The following STAC variants were observed in gnomAD, a reference collection of about 807,000 sequenced individuals.
STAC encodes SH3 and cysteine-rich domain-containing protein.
STAC carries 43 observed loss-of-function variants against 48.8 expected under a neutral mutation model. That is an observed-to-expected ratio of 0.88 (90% CI 0.69 to 1.14). The LOEUF (loss-of-function observed/expected upper bound fraction) is 1.14, where lower values mean the gene tolerates loss of function less well. Ranked by LOEUF, STAC falls within the 50% of genes most tolerant of loss-of-function variation. STAC has a pLI of 0.00. For synonymous variants in STAC, 193 were observed against 179.5 expected (o/e 1.07, Z -0.60); for missense variants, 497 against 504.0 (o/e 0.99, Z 0.13).
chr3:36,513,303 G>A (rs113695897), intron 8 of STAC, among the ~76,000 whole-genome samples: 6 of 152,272 alleles, frequency 3.9e-5, no homozygotes, highest in African/African-American at 1.4e-4. Flanking sequence ...CCACAAACCT[G>A]CCCCTTAGGA....
intron 10 of STAC, among the ~76,000 whole-genome samples, chr3:36,537,302 A>G (rs1007135247): frequency 1.3e-5 from 2 of 152,214 alleles, no homozygotes; most frequent in Admixed American, 1.3e-4. Flanking sequence ...CCAAATGCCC[A>G]TCAATGAAAG....
At chr3:36,475,255 T>C (rs1697460213) in intron 2 of STAC, among the ~76,000 whole-genome samples, 1 of 149,466 alleles carries the variant, frequency 6.7e-6, no homozygotes, top group African/African-American at 2.5e-5. Context: ...TGAAAATACA[T>C]CATGTTATTT....
intron 1 of STAC, among the ~76,000 whole-genome samples, chr3:36,422,614 C>A (rs1262843733): frequency 6.6e-6 from 1 of 152,138 alleles, no homozygotes; most frequent in African/African-American, 2.4e-5. Context: ...TAACCTACTA[C>A]AAAAAATGAT....
chr3:36,546,498 G>A lies in STAC; in HGVS notation c.*209G>A, dbSNP rs940643130. ...TATCCAGGCTGCCACAGGTGGGGAC[G>A]AGGCTGAGAGAGTCAGCAGGCAGAG... On this transcript the variant is annotated 3_prime_UTR_variant, in exon 11 of 11. Transcript: ENST00000273183. The A allele has an allele frequency of 1.6e-5, 9 of 569,462 alleles. No homozygotes were observed. Among genetic ancestry groups the A allele is most frequent in the South Asian group, 4.9e-5 (2 of 41,218 alleles). The allele number at this position is 569,462 out of a possible 1,614,324, so 35.3% of individuals were successfully genotyped here.
intron 2 of STAC, among the ~76,000 whole-genome samples, chr3:36,451,519 C>T (rs1696680135): frequency 6.6e-6 from 1 of 152,154 alleles, no homozygotes; most frequent in Non-Finnish European, 1.5e-5. Flanking sequence ...AAGATTTATA[C>T]ATCTTGTTAG....
intron 6 of STAC, among the ~76,000 whole-genome samples, chr3:36,499,577 A>G (rs1184558732): frequency 1.3e-5 from 2 of 152,130 alleles, no homozygotes; most frequent in African/African-American, 4.8e-5. Context: ...AGCATAGAAA[A>G]TTTGGGACAA....
rs188644266 is a variant in STAC at position 36,425,126 on chromosome 3, G to A, written c.112-18238G>A. ...GGATGATTTTTTAAAAAGTCTTATA[G>A]TCACATGATATTTATTATGAAGGGG... is the stretch of plus-strand genomic sequence containing the variant. On this transcript the variant is annotated intron_variant, in intron 1 of 10. Coordinates refer to ENST00000273183, the MANE Select transcript of STAC (RefSeq NM_003149.3). 2.0e-5 allele frequency among the ~76,000 whole-genome samples: 3 copies of A among 152,220 alleles called. No individual in the cohort carries two copies. The East Asian group carries it at 5.8e-4, about 29-fold the overall frequency.
chr3:36,452,270 T>C (rs1415943755), intron 2 of STAC, among the ~76,000 whole-genome samples: 1 of 152,252 alleles, frequency 6.6e-6, no homozygotes, highest in Non-Finnish European at 1.5e-5. Context: ...TACTATCTGA[T>C]TCTCTTGTAT....
Position 36,546,496 on chromosome 3 carries a change from AC to A in STAC, c.*208del. Reference sequence around the variant, plus strand: ...CATATCCAGGCTGCCACAGGTGGGGACGAGGCTGAGAGAGTCAGCAGGCAGA... The same window carrying A: ...CATATCCAGGCTGCCACAGGTGGGGAGAGGCTGAGAGAGTCAGCAGGCAGA... On this transcript the variant is annotated 3_prime_UTR_variant, in exon 11 of 11. Coordinates refer to ENST00000273183, the MANE Select transcript of STAC (RefSeq NM_003149.3). The A allele has an allele frequency of 1.7e-6, 1 of 576,390 alleles. No homozygotes were observed. The highest frequency in any genetic ancestry group is 3.0e-5 in the Admixed American group (1 of 33,498). 35.7% of individuals were successfully genotyped at this position (576,390 alleles called of 1,614,324 possible).
chr3:36,392,591 C>T (rs1196043593), intron 1 of STAC, among the ~76,000 whole-genome samples: 1 of 152,092 alleles, frequency 6.6e-6, no homozygotes, highest in Non-Finnish European at 1.5e-5. Context: ...TAGTCTTGAA[C>T]TCCTAGGCTC....
At chr3:36,512,478 C>CA (rs1698565511) in intron 8 of STAC, among the ~76,000 whole-genome samples, 1 of 151,958 alleles carries the variant, frequency 6.6e-6, no homozygotes, top group Non-Finnish European at 1.5e-5. Flanking sequence ...TAACAGCTTT[C>CA]TATTATAGAG....
intron 10 of STAC, among the ~76,000 whole-genome samples, chr3:36,543,915 T>C (rs938170871): frequency 6.6e-6 from 1 of 152,184 alleles, no homozygotes; most frequent in Non-Finnish European, 1.5e-5. Context: ...ATTTTTTAAT[T>C]TAAATATTTA....
intron 1 of STAC, among the ~76,000 whole-genome samples, chr3:36,421,976 T>C (rs1700461782): frequency 6.6e-6 from 1 of 152,266 alleles, no homozygotes. Context: ...AAGTAGAGAG[T>C]ATATAAAATT....
chr3:36,521,686 A>C lies in STAC; in HGVS notation c.921-7010A>C, dbSNP rs556728748. 2.4e-3 allele frequency among the ~76,000 whole-genome samples: 359 copies of C among 152,340 alleles called. 1 individual carries two copies. Among genetic ancestry groups the C allele is most frequent in the African/African-American group, 7.9e-3 (329 of 41,584 alleles). On this transcript the variant is annotated intron_variant, in intron 8 of 10. Coordinates refer to ENST00000273183, the MANE Select transcript of STAC (RefSeq NM_003149.3). ...CCCTGCCAAAAACCTAATGAGACAT[A>C]AACGTAAAAGGCAATGATTAGAATA...
chr3:36,506,489 A>T (rs913989208), intron 8 of STAC, among the ~76,000 whole-genome samples: 5 of 152,050 alleles, frequency 3.3e-5, no homozygotes, highest in African/African-American at 1.2e-4. Flanking sequence ...CTTGATGGGG[A>T]TAGCATTGAA....
chr3:36,429,766 G>T (rs1299103128), intron 1 of STAC, among the ~76,000 whole-genome samples: 1 of 152,166 alleles, frequency 6.6e-6, no homozygotes, highest in African/African-American at 2.4e-5. Flanking sequence ...GTTTCACTCT[G>T]CTCCAACTCC....
intron 5 of STAC, 37 bp downstream of exon 5, chr3:36,486,286 G>A (rs777565705): frequency 2.5e-6 from 4 of 1,587,304 alleles, no homozygotes; most frequent in Non-Finnish European, 3.4e-6. Flanking sequence ...TGTCTGTGGT[G>A]GTCTTGGGCA....
intron 8 of STAC, among the ~76,000 whole-genome samples, chr3:36,506,400 T>C (rs1474206213): frequency 3.3e-5 from 5 of 152,206 alleles, no homozygotes. Context: ...TAGGATTGTC[T>C]TGGCTATGCG....
intron 10 of STAC, among the ~76,000 whole-genome samples, chr3:36,536,897 A>C (rs1271747602): frequency 6.6e-6 from 1 of 152,170 alleles, no homozygotes; most frequent in Non-Finnish European, 1.5e-5. Flanking sequence ...GGACAAGAAC[A>C]GACACTTCTC....
Sources: allele counts gnomAD v4.1 joint callset (sites outside exome capture counted in the v4.1 genomes callset), GRCh38; gene constraint gnomAD v4.1.1; transcripts MANE v1.5; gene names NCBI Gene and HGNC (gene_info 2026-07-23, HGNC 2026-07-21).